ULK4: variants seen among roughly 807,000 people sequenced by gnomAD.
ULK4 encodes the protein inactive serine/threonine-protein kinase ULK4.
A neutral mutation model predicts 160.6 loss-of-function variants in ULK4; 133 were observed. The ratio of observed to expected loss-of-function variants is 0.83; its 90% CI spans 0.72 to 0.96. The LOEUF is 0.96. Among genes scored for constraint, ULK4 ranks in the 40% least tolerant of loss-of-function variants. The pLI, the probability that ULK4 is intolerant of heterozygous loss-of-function variation, is 0.00. For missense variants in ULK4, 1,580 were observed against 1,499.5 expected (o/e 1.05, Z -0.89); for synonymous variants, 534 against 539.8 (o/e 0.99, Z 0.15).
chr3:41,747,670 AC>A (rs2038463846), intron 22 of ULK4, among the ~76,000 whole-genome samples: 2 of 152,102 alleles, frequency 1.3e-5, no homozygotes, highest in South Asian at 4.1e-4. Context: ...AGGCTAAATG[AC>A]ACCATGTGGG....
chr3:41,601,337 A>G (rs1575471192), intron 31 of ULK4, among the ~76,000 whole-genome samples: 1 of 152,216 alleles, frequency 6.6e-6, no homozygotes, highest in Non-Finnish European at 1.5e-5. Context: ...AAATTTTAAA[A>G]ACTGTCAGAG....
intron 17 of ULK4, among the ~76,000 whole-genome samples, chr3:41,879,355 G>A: frequency 6.6e-6 from 1 of 152,132 alleles, no homozygotes; most frequent in Non-Finnish European, 1.5e-5. Flanking sequence ...AAGAAAGAGA[G>A]AGGGAGAGAA....
At position 41,826,750 on chromosome 3, in the gene ULK4, C is replaced by T. The variant is rs192945270; in HGVS notation, c.1765-7244G>A. Among the ~76,000 whole-genome samples, 782 of 149,496 alleles carry T rather than the reference C, an allele frequency of 5.2e-3. 7 individuals are homozygous for T. Among genetic ancestry groups the T allele is most frequent in the African/African-American group, 0.018 (724 of 39,608 alleles). On this transcript the variant is annotated intron_variant, in intron 18 of 36. Transcript: ENST00000301831. ...CCACTGTCAACATTAGACAGATCAA[C>T]GAGACAGAAAGTTAACAAGGATATC...
At chr3:41,306,128 TGGGG>T (rs1181225910) in intron 35 of ULK4, among the ~76,000 whole-genome samples, 1 of 61,080 alleles carries the variant, frequency 1.6e-5, no homozygotes, top group Non-Finnish European at 2.9e-5. Flanking sequence ...GGGAGGGAGG[TGGGG>T]GGGGGGGGTC....
intron 21 of ULK4, among the ~76,000 whole-genome samples, chr3:41,765,699 T>A (rs1412674363): frequency 2.0e-5 from 3 of 152,140 alleles, no homozygotes; most frequent in African/African-American, 7.2e-5. Context: ...CTAGAAAGAC[T>A]CCAAATTAAA....
intron 19 of ULK4, among the ~76,000 whole-genome samples, chr3:41,809,646 A>G (rs919135131): frequency 2.0e-5 from 3 of 152,254 alleles, no homozygotes; most frequent in South Asian, 2.1e-4. Flanking sequence ...ATATGAATTG[A>G]CATGTCTCTT....
chr3:41,803,123 A>C (rs1431446725), intron 19 of ULK4, among the ~76,000 whole-genome samples: 2 of 150,424 alleles, frequency 1.3e-5, no homozygotes, highest in Non-Finnish European at 2.9e-5. Flanking sequence ...GTGAGCCAAG[A>C]TCGCACCACT....
At chr3:41,775,112 C>T (rs1232066313) in intron 21 of ULK4, among the ~76,000 whole-genome samples, 1 of 149,202 alleles carries the variant, frequency 6.7e-6, no homozygotes, top group Non-Finnish European at 1.5e-5. Context: ...AGGAGATATA[C>T]CTAATGCTAA....
intron 27 of ULK4, among the ~76,000 whole-genome samples, chr3:41,697,166 A>G (rs2036530602): frequency 6.6e-6 from 1 of 152,218 alleles, no homozygotes. Flanking sequence ...CACACCAATA[A>G]AAGATAGAGA....
At chr3:41,421,225 TTC>T (rs1162438842) in intron 34 of ULK4, among the ~76,000 whole-genome samples, 2 of 152,228 alleles carry the variant, frequency 1.3e-5, no homozygotes, top group Non-Finnish European at 2.9e-5. Flanking sequence ...TTGTTGTAAT[TTC>T]TTTTTTCTAG....
intron 29 of ULK4, among the ~76,000 whole-genome samples, chr3:41,669,144 A>C (rs976109030): frequency 1.3e-5 from 2 of 152,206 alleles, no homozygotes; most frequent in African/African-American, 2.4e-5. Flanking sequence ...AGAAGGGTAC[A>C]ATAAAATGGG....
intron 35 of ULK4, among the ~76,000 whole-genome samples, chr3:41,397,652 A>T (rs1452500991): frequency 6.6e-6 from 1 of 152,180 alleles, no homozygotes; most frequent in Non-Finnish European, 1.5e-5. Flanking sequence ...CAAAATACAT[A>T]ATCCTAGACT....
chr3:41,481,789 T>C (rs1446910924), intron 32 of ULK4, among the ~76,000 whole-genome samples: 3 of 131,444 alleles, frequency 2.3e-5, no homozygotes, highest in African/African-American at 9.0e-5. Context: ...ATCCCGCCAC[T>C]GCACTCCAGC....
At chr3:41,263,950 CAATT>C (rs1242267792) in intron 35 of ULK4, among the ~76,000 whole-genome samples, 1 of 152,052 alleles carries the variant, frequency 6.6e-6, no homozygotes, top group African/African-American at 2.4e-5. Flanking sequence ...TTGAGAAACA[CAATT>C]AAAAAGTAAA....
intron 32 of ULK4, among the ~76,000 whole-genome samples, chr3:41,482,366 T>C (rs1048155682): frequency 1.3e-5 from 2 of 152,144 alleles, no homozygotes; most frequent in South Asian, 2.1e-4. Flanking sequence ...AGTGATGGTG[T>C]CTTATTTCAA....
intron 5 of ULK4, among the ~76,000 whole-genome samples, chr3:41,929,648 TACA>T (rs1240830723): frequency 6.6e-6 from 1 of 152,194 alleles, no homozygotes; most frequent in East Asian, 1.9e-4. Context: ...AGTCTCAGGA[TACA>T]ACATCAATGT....
intron 22 of ULK4, among the ~76,000 whole-genome samples, chr3:41,751,764 G>A (rs1313492044): frequency 5.3e-5 from 8 of 152,192 alleles, no homozygotes; most frequent in South Asian, 2.1e-4. Context: ...GTGGCTCTCA[G>A]AAGAAGTAAA....
intron 20 of ULK4, among the ~76,000 whole-genome samples, chr3:41,791,462 T>TA (rs1220767746): frequency 3.9e-5 from 6 of 152,290 alleles, no homozygotes; most frequent in South Asian, 2.1e-4. Context: ...GATGACTTTA[T>TA]TATAGCCAGA....
intron 34 of ULK4, among the ~76,000 whole-genome samples, chr3:41,415,969 A>G (rs1390803503): frequency 6.6e-6 from 1 of 152,370 alleles, no homozygotes; most frequent in Non-Finnish European, 1.5e-5. Context: ...GTGAATTTTT[A>G]TATGTCAAAC....
Sources: allele counts gnomAD v4.1 joint callset (sites outside exome capture counted in the v4.1 genomes callset), GRCh38; gene constraint gnomAD v4.1.1; transcripts MANE v1.5; gene names NCBI Gene and HGNC (gene_info 2026-07-23, HGNC 2026-07-21).